Variants in COL21A1 observed in about 807,000 individuals in gnomAD.
COL21A1 encodes collagen alpha-1(XXI) chain.
COL21A1 carries 149 observed loss-of-function variants against 137.9 expected under a neutral mutation model. The observed-to-expected ratio is 1.08, with a 90% CI of 0.95 to 1.24. The LOEUF is 1.24. Ranked by LOEUF, COL21A1 falls within the 50% of genes most tolerant of loss-of-function variation. The pLI is 0.00. For synonymous variants in COL21A1, 456 were observed against 391.5 expected (o/e 1.16, Z -1.95); for missense variants, 1,167 against 1,158.4 (o/e 1.01, Z -0.11).
At chr6:56,256,804 T>C (rs1166764933) in intron 1 of COL21A1, among the ~76,000 whole-genome samples, 1 of 152,090 alleles carries the variant, frequency 6.6e-6, no homozygotes, top group Non-Finnish European at 1.5e-5. Flanking sequence ...ACATGTTCAA[T>C]GTTAGTTGAA....
intron 1 of COL21A1, among the ~76,000 whole-genome samples, chr6:56,328,733 A>G (rs1191514440): frequency 6.6e-6 from 1 of 152,140 alleles, no homozygotes. Context: ...TTACTATTAC[A>G]GCATGTTTTC....
intron 12 of COL21A1, among the ~76,000 whole-genome samples, chr6:56,127,390 C>A (rs1204486317): frequency 6.6e-6 from 1 of 152,136 alleles, no homozygotes; most frequent in Non-Finnish European, 1.5e-5. Context: ...ATCTTTCCAA[C>A]TGTCAAAATC....
intron 1 of COL21A1, among the ~76,000 whole-genome samples, chr6:56,208,140 C>G (rs900422903): frequency 9.2e-5 from 14 of 152,080 alleles, no homozygotes; most frequent in Admixed American, 7.9e-4. Context: ...AGGATGCCCT[C>G]TCTCACCTCT....
chr6:56,103,218 A>C (rs975928108), intron 16 of COL21A1, among the ~76,000 whole-genome samples: 7 of 152,162 alleles, frequency 4.6e-5, no homozygotes, highest in Non-Finnish European at 8.8e-5. Context: ...TTAAGCCAGA[A>C]TCTCTGGGTG....
chr6:56,173,565 T>C lies in COL21A1; in HGVS notation c.641-2437A>G, dbSNP rs182129900. On this transcript the variant is annotated intron_variant, in intron 3 of 29. Transcript: ENST00000244728. ...AATGGTAGCCAAAAGACATCAGAGA[T>C]GTCTATACTTATATCACACAGTACA... 1.9e-3 allele frequency among the ~76,000 whole-genome samples: 284 copies of C among 152,294 alleles called. 1 individual carries two copies. Among genetic ancestry groups the C allele is most frequent in the African/African-American group, 6.1e-3 (254 of 41,570 alleles).
intron 1 of COL21A1, among the ~76,000 whole-genome samples, chr6:56,283,874 A>ACACTCAATCTCTCT (rs375116485): frequency 6.8e-6 from 1 of 146,188 alleles, no homozygotes; most frequent in South Asian, 2.2e-4. Context: ...TCACACACAC[A>ACACTCAATCTCTCT]CTCTCTCTCT....
At chr6:56,320,543 ACACACC>A (rs1764840265) in intron 1 of COL21A1, among the ~76,000 whole-genome samples, 1 of 128,522 alleles carries the variant, frequency 7.8e-6, no homozygotes, top group African/African-American at 3.0e-5. Context: ...ACACACACAC[ACACACC>A]CCTCCCACTC....
Position 56,230,543 on chromosome 6 carries a change from AT to A in COL21A1, c.-39+16843del, listed in dbSNP as rs528137712. On this transcript the variant is annotated intron_variant, in intron 1 of 29. Transcript: ENST00000244728. ...CTTGATGAGGATGAATTGTAATATA[AT>A]TTTTTTTAGTTTGTATTGTTATTAA... Among the ~76,000 whole-genome samples, 132 of 151,688 alleles carry A rather than the reference AT, an allele frequency of 8.7e-4. 1 individual carries two copies. The highest frequency in any genetic ancestry group is 2.9e-3 in the African/African-American group (121 of 41,418).
At chr6:56,289,846 G>A (rs1371509140) in intron 1 of COL21A1, among the ~76,000 whole-genome samples, 2 of 152,026 alleles carry the variant, frequency 1.3e-5, no homozygotes, top group Non-Finnish European at 2.9e-5. Flanking sequence ...ATGTGAAAAC[G>A]CTATATAAAC....
intron 1 of COL21A1, among the ~76,000 whole-genome samples, chr6:56,349,830 T>G (rs2152346680): frequency 6.6e-6 from 1 of 152,336 alleles, no homozygotes; most frequent in African/African-American, 2.4e-5. Flanking sequence ...TCTCCTCAAG[T>G]TGCCACTACT....
At chr6:56,098,058 TATAA>T (rs1157443912) in intron 17 of COL21A1, among the ~76,000 whole-genome samples, 58 of 2,932 alleles carry the variant, frequency 0.02, no homozygotes, top group Non-Finnish European at 0.029. Context: ...TATAAATATA[TATAA>T]ATATATAAAT....
chr6:56,319,070 G>C (rs1049635522), intron 1 of COL21A1, among the ~76,000 whole-genome samples: 10 of 149,924 alleles, frequency 6.7e-5, no homozygotes, highest in South Asian at 2.1e-4. Flanking sequence ...CTTTCCAGCA[G>C]CACTTGACAC....
chr6:56,185,426 CTTTT>C (rs777045553), intron 1 of COL21A1, among the ~76,000 whole-genome samples: 37 of 100,160 alleles, frequency 3.7e-4, no homozygotes, highest in Non-Finnish European at 5.9e-4. Flanking sequence ...AATGAACAGT[CTTTT>C]TTTTTTTTTT....
At chr6:56,184,455 GA>G (rs1778129747) in intron 1 of COL21A1, among the ~76,000 whole-genome samples, 1 of 151,842 alleles carries the variant, frequency 6.6e-6, no homozygotes, top group Non-Finnish European at 1.5e-5. Flanking sequence ...AAAATAAGCA[GA>G]GACACATTAA....
At chr6:56,218,296 TAA>T (rs11416360) in intron 1 of COL21A1, among the ~76,000 whole-genome samples, 2 of 148,294 alleles carry the variant, frequency 1.3e-5, no homozygotes, top group African/African-American at 4.9e-5. Context: ...TATGGCTTTG[TAA>T]AAAAAAAAAG....
At chr6:56,058,972 A>T (rs1765560408) in intron 29 of COL21A1, among the ~76,000 whole-genome samples, 193 bp downstream of exon 29, 1 of 152,236 alleles carries the variant, frequency 6.6e-6, no homozygotes, top group South Asian at 2.1e-4. Context: ...AGCAAGAGAT[A>T]ATATTGAAGG....
intron 1 of COL21A1, among the ~76,000 whole-genome samples, chr6:56,363,646 A>G (rs1766027603): frequency 6.6e-6 from 1 of 152,160 alleles, no homozygotes; most frequent in South Asian, 2.1e-4. Flanking sequence ...ATTGGGTAAT[A>G]TTTGTCCATT....
intron 14 of COL21A1, among the ~76,000 whole-genome samples, chr6:56,124,875 GACTTCGTGA>G (rs537301422): frequency 1.8e-3 from 272 of 152,136 alleles, no homozygotes; most frequent in Non-Finnish European, 3.4e-3. Context: ...TCGATCTCCT[GACTTCGTGA>G]TCTGCCCACC....
intron 1 of COL21A1, among the ~76,000 whole-genome samples, chr6:56,346,231 C>T (rs1177362922): frequency 6.6e-6 from 1 of 152,200 alleles, no homozygotes; most frequent in Non-Finnish European, 1.5e-5. Flanking sequence ...TAACTACACC[C>T]CCACCAGCAG....
Sources: allele counts gnomAD v4.1 joint callset (sites outside exome capture counted in the v4.1 genomes callset), GRCh38; gene constraint gnomAD v4.1.1; transcripts MANE v1.5; gene names NCBI Gene and HGNC (gene_info 2026-07-23, HGNC 2026-07-21).